The following TAFA5 variants were observed in gnomAD, a reference collection of about 807,000 sequenced individuals.
TAFA5 encodes the protein TAFA chemokine like family member 5.
Under a neutral mutation model 15.3 loss-of-function variants are expected in TAFA5, and 6 were observed. The ratio of observed to expected loss-of-function variants is 0.39; its 90% CI spans 0.21 to 0.77. TAFA5 has a LOEUF of 0.77. Ranked by LOEUF, TAFA5 falls within the 30% of genes least tolerant of loss-of-function variation. The pLI is 0.41. For synonymous variants in TAFA5, 103 were observed against 80.7 expected, an observed-to-expected ratio of 1.28 and a Z score of -1.48; for missense variants, 161 against 193.1, an observed-to-expected ratio of 0.83 and a Z score of 0.98.
At chr22:48,679,046 GCTCCCCC>G (rs1274898406) in intron 2 of TAFA5, among the ~76,000 whole-genome samples, 12 of 109,446 alleles carry the variant, frequency 1.1e-4, no homozygotes, top group African/African-American at 4.1e-4. Flanking sequence ...TGGCTCCCCA[GCTCCCCC>G]TCCATCCCTC....
chr22:48,575,107 C>T (rs879756162), intron 1 of TAFA5, among the ~76,000 whole-genome samples: 90 of 152,286 alleles, frequency 5.9e-4, no homozygotes, highest in Non-Finnish European at 9.7e-4. Flanking sequence ...TCGGGCCCGG[C>T]TGGGGCGGTA....
intron 2 of TAFA5, among the ~76,000 whole-genome samples, chr22:48,704,409 C>T (rs1394870335): frequency 6.6e-6 from 1 of 152,174 alleles, no homozygotes; most frequent in African/African-American, 2.4e-5. Context: ...GACACAGCTG[C>T]TGGTGGCTTT....
intron 1 of TAFA5, among the ~76,000 whole-genome samples, chr22:48,563,563 A>G (rs962041839): frequency 6.6e-6 from 1 of 152,172 alleles, no homozygotes; most frequent in African/African-American, 2.4e-5. Flanking sequence ...CTGCCATCTG[A>G]GAAGGGGCTC....
chr22:48,624,388 A>G (rs1206143651), intron 1 of TAFA5, among the ~76,000 whole-genome samples: 1 of 152,100 alleles, frequency 6.6e-6, no homozygotes, highest in Non-Finnish European at 1.5e-5. Flanking sequence ...GAGCATCCCT[A>G]GGTGCAGCAC....
At chr22:48,546,099 C>T (rs1356091632) in intron 1 of TAFA5, among the ~76,000 whole-genome samples, 3 of 152,146 alleles carry the variant, frequency 2.0e-5, no homozygotes, top group East Asian at 3.9e-4. Context: ...ACAACTTGGG[C>T]GGGCAGCCTG....
At chr22:48,630,828 C>T (rs1467311446) in intron 1 of TAFA5, among the ~76,000 whole-genome samples, 3 of 152,156 alleles carry the variant, frequency 2.0e-5, no homozygotes, top group African/African-American at 7.2e-5. Flanking sequence ...CTGAAACCAG[C>T]CAGCCAGGCC....
Position 48,489,786 on chromosome 22 carries a change from G to T in TAFA5, c.112+82G>T, listed in dbSNP as rs545188363. 7.1e-3 allele frequency: 5,996 copies of T among 843,960 alleles called. 45 individuals are homozygous for T. The highest frequency in any genetic ancestry group is 7.5e-3 in the Non-Finnish European group (4,589 of 615,144). 52.3% of individuals were successfully genotyped at this position (843,960 alleles called of 1,614,324 possible). ...TCCGGCCCCGGCAGGCGCCCCGCGG[G>T]CCTCCCGGAGTCGGCGCGGAGTTAC... On this transcript the variant is annotated intron_variant, in intron 1 of 3. Coordinates refer to ENST00000402357, the MANE Select transcript of TAFA5 (RefSeq NM_001082967.3). The surrounding 1 kb of genome is among the most constrained non-coding windows in gnomAD (Gnocchi z 5.5).
chr22:48,541,546 G>A (rs936136684), intron 1 of TAFA5, among the ~76,000 whole-genome samples: 4 of 152,170 alleles, frequency 2.6e-5, no homozygotes, highest in African/African-American at 7.2e-5. Flanking sequence ...CAGGTGTGAG[G>A]AGCCCAGGCA....
chr22:48,507,168 C>T (rs1032970280), intron 1 of TAFA5, among the ~76,000 whole-genome samples: 1 of 105,402 alleles, frequency 9.5e-6, no homozygotes, highest in African/African-American at 5.1e-5. Flanking sequence ...CGCAAAGGGC[C>T]AGGTGTGTAG....
At chr22:48,610,696 C>T (rs1441426293) in intron 1 of TAFA5, among the ~76,000 whole-genome samples, 1 of 152,196 alleles carries the variant, frequency 6.6e-6, no homozygotes, top group Non-Finnish European at 1.5e-5. Context: ...GGGGCTGAGG[C>T]TGGGGCTTGG....
chr22:48,729,811 T>G (rs1033169565), intron 3 of TAFA5, among the ~76,000 whole-genome samples: 1 of 149,870 alleles, frequency 6.7e-6, no homozygotes. Flanking sequence ...CTGAAATATT[T>G]TAGAAAGTGT....
At chr22:48,578,576 A>G (rs4823544) in intron 1 of TAFA5, among the ~76,000 whole-genome samples, 43,605 of 152,134 alleles carry the variant, frequency 0.29, 6,317 homozygotes, top group Admixed American at 0.32. Flanking sequence ...GCGCAGTCAT[A>G]GGAAGGTGGG....
intron 1 of TAFA5, among the ~76,000 whole-genome samples, chr22:48,641,173 C>T (rs553854307): frequency 6.9e-6 from 1 of 144,046 alleles, no homozygotes; most frequent in African/African-American, 2.9e-5. Context: ...GCCCCCCTGC[C>T]AGGGCAGTGG....
chr22:48,718,549 C>A (rs1929474154), intron 3 of TAFA5, among the ~76,000 whole-genome samples: 1 of 152,102 alleles, frequency 6.6e-6, no homozygotes, highest in Admixed American at 6.5e-5. Context: ...CCATTAGGAG[C>A]CTGCGGTTCA....
At chr22:48,582,698 C>T (rs991856457) in intron 1 of TAFA5, among the ~76,000 whole-genome samples, 2 of 150,024 alleles carry the variant, frequency 1.3e-5, no homozygotes, top group African/African-American at 4.9e-5. Flanking sequence ...CCACACACCA[C>T]ACACAAAATA....
At chr22:48,711,593 A>G (rs1929256151) in intron 3 of TAFA5, among the ~76,000 whole-genome samples, 1 of 152,200 alleles carries the variant, frequency 6.6e-6, no homozygotes, top group African/African-American at 2.4e-5. Flanking sequence ...GTGCGATTGC[A>G]TCTGAGTTCT....
chr22:48,677,981 TC>T (rs1242223309), intron 2 of TAFA5, among the ~76,000 whole-genome samples: 3 of 151,830 alleles, frequency 2.0e-5, no homozygotes, highest in Admixed American at 1.3e-4. Context: ...GAGAGCTCAC[TC>T]CCCAGAGCTC....
Position 48,689,990 on chromosome 22 carries a change from C to T in TAFA5, c.263-17727C>T, listed in dbSNP as rs545778680. 7.8e-4 allele frequency among the ~76,000 whole-genome samples: 119 copies of T among 152,224 alleles called. 1 individual carries two copies. The highest frequency in any genetic ancestry group is 2.6e-3 in the African/African-American group (109 of 41,528). ...CACCGCTCTGCCTTGCAACCTCTTC[C>T]CTGGTGGCCTGGCGTCCATCACAGG... On this transcript the variant is annotated intron_variant, in intron 2 of 3. Transcript: ENST00000402357.
Position 48,564,616 on chromosome 22 carries a change from A to T in TAFA5, c.112+74912A>T, listed in dbSNP as rs534172762. ...CTTCCCAAGGGTGAGGGGTTGGAGC[A>T]TCTATGGGCCCAGCTCTGCAGGCCT... is the stretch of plus-strand genomic sequence containing the variant. On this transcript the variant is annotated intron_variant, in intron 1 of 3. Transcript: ENST00000402357. 6.1e-4 allele frequency among the ~76,000 whole-genome samples: 93 copies of T among 152,318 alleles called. 1 individual carries two copies. The highest frequency in any genetic ancestry group is 1.2e-3 in the Non-Finnish European group (85 of 68,030).
Sources: allele counts gnomAD v4.1 joint callset (sites outside exome capture counted in the v4.1 genomes callset), GRCh38; gene constraint gnomAD v4.1.1; non-coding constraint Gnocchi (gnomAD v3.1); transcripts MANE v1.5; gene names NCBI Gene and HGNC (gene_info 2026-07-23, HGNC 2026-07-21).